Variants in MAP4K5 observed in about 807,000 individuals in gnomAD.
The protein encoded by MAP4K5 is mitogen-activated protein kinase kinase kinase kinase 5.
A neutral mutation model predicts 135.6 loss-of-function variants in MAP4K5; 82 were observed. That is an observed-to-expected ratio of 0.60 (90% CI 0.51 to 0.73). MAP4K5 has a LOEUF of 0.73. Among genes scored for constraint, MAP4K5 ranks in the 30% least tolerant of loss-of-function variants. MAP4K5 has a pLI of 0.00. For synonymous variants in MAP4K5, 347 were observed against 335.0 expected, an observed-to-expected ratio of 1.04 and a Z score of -0.39; for missense variants, 907 against 1,010.9, an observed-to-expected ratio of 0.90 and a Z score of 1.39.
chr14:50,539,089 A>G (rs1198221844), intron 2 of MAP4K5, among the ~76,000 whole-genome samples: 2 of 152,250 alleles, frequency 1.3e-5, no homozygotes, highest in East Asian at 3.9e-4. Flanking sequence ...CTCAGAAAAG[A>G]GACTCTCAAA....
intron 32 of MAP4K5, 77 bp downstream of exon 32, chr14:50,423,044 T>A: frequency 1.5e-6 from 1 of 648,460 alleles, no homozygotes; most frequent in Non-Finnish European, 2.7e-6. Flanking sequence ...TTTGAAACAA[T>A]TACAGACTGA....
At chr14:50,480,403 C>CTTTTTTTTTTTTTT (rs11412178) in intron 6 of MAP4K5, among the ~76,000 whole-genome samples, 1 of 143,396 alleles carries the variant, frequency 7.0e-6, no homozygotes. Flanking sequence ...CTCATTCTTT[C>CTTTTTTTTTTTTTT]TTTTTTTTTT....
chr14:50,440,118 TA>T, intron 22 of MAP4K5, 45 bp from the exon 23 acceptor site: 1 of 1,166,696 alleles, frequency 8.6e-7, no homozygotes, highest in East Asian at 2.5e-5. Flanking sequence ...GTCATTATTT[TA>T]ATCTTTTAAA....
intron 2 of MAP4K5, among the ~76,000 whole-genome samples, chr14:50,520,655 G>C (rs2038130252): frequency 6.6e-6 from 1 of 152,118 alleles, no homozygotes; most frequent in Non-Finnish European, 1.5e-5. Context: ...CAGCATTACA[G>C]AGCCTAGTTT....
At chr14:50,470,908 G>A (rs2036945888) in intron 9 of MAP4K5, among the ~76,000 whole-genome samples, 2 of 151,952 alleles carry the variant, frequency 1.3e-5, no homozygotes, top group Admixed American at 1.3e-4. Flanking sequence ...ACCAGATATG[G>A]AATTACTGAG....
chr14:50,489,685 C>T (rs1441599271), intron 3 of MAP4K5, among the ~76,000 whole-genome samples: 3 of 152,184 alleles, frequency 2.0e-5, no homozygotes, highest in Non-Finnish European at 4.4e-5. Context: ...TGACCTTGTA[C>T]TAGCCAAAGG....
intron 3 of MAP4K5, among the ~76,000 whole-genome samples, chr14:50,499,065 C>T (rs919337640): frequency 5.3e-5 from 8 of 151,910 alleles, no homozygotes; most frequent in African/African-American, 1.9e-4. Context: ...GTGAAAAATA[C>T]CATCTACTTT....
chr14:50,445,042 A>C lies in MAP4K5; in HGVS notation c.1338T>G (p.Ile446Met). 6.2e-7 allele frequency: 1 copy of C among 1,613,104 alleles called. No individual in the cohort carries two copies. The highest frequency in any genetic ancestry group is 8.5e-7 in the Non-Finnish European group (1 of 1,179,430). Residue 446 changes from isoleucine to methionine, a missense_variant and splice_region_variant, in exon 18 of 33, where the codon ATT (isoleucine) becomes ATG (methionine). This residue lies in a region of MAP4K5 where 690 missense variants were observed against 777.4 expected (regional missense o/e 0.89). Coordinates refer to ENST00000682126, the MANE Select transcript of MAP4K5 (RefSeq NM_006575.6). ...SCGPVAETSS[I>M]GNGDGISKLM... The stretch of plus-strand genomic sequence containing the variant: ...GGCTGCTAATAATGCTAGCCATACC[A>C]ATAGAAGAAGTCTCTGCCACAGGCC...
At chr14:50,547,032 G>GTTGTTCAACTCATAA (rs2038642230) in intron 1 of MAP4K5, among the ~76,000 whole-genome samples, 1 of 152,000 alleles carries the variant, frequency 6.6e-6, no homozygotes, top group East Asian at 1.9e-4. Flanking sequence ...ACTCATAAGT[G>GTTGTTCAACTCATAA]GGAGTTGAAC....
intron 1 of MAP4K5, among the ~76,000 whole-genome samples, chr14:50,548,417 T>C (rs1467447065): frequency 6.6e-6 from 1 of 152,198 alleles, no homozygotes; most frequent in African/African-American, 2.4e-5. Context: ...AGGATCCTTT[T>C]GTATTAGAAG....
At position 50,531,998 on chromosome 14, in the gene MAP4K5, G is replaced by C; in HGVS notation, c.52C>G (p.Gln18Glu). The change falls in exon 2 of 33, where the codon CAG becomes GAG. Residue 18 changes from glutamine to glutamate, a missense_variant. Coordinates refer to ENST00000682126, the MANE Select transcript of MAP4K5 (RefSeq NM_006575.6). The part of the protein sequence containing the change: ...AADILRRNPQ[Q>E]DYELVQRVGS... ...ACCCTCTGGACGAGTTCGTAGTCCT[G>C]CTGCGGGTTCCGCCTCAGGATGTCC... 1 of 1,601,252 alleles carries C rather than the reference G, an allele frequency of 6.2e-7. No individual in the cohort carries two copies. Among genetic ancestry groups the C allele is most frequent in the Non-Finnish European group, 8.5e-7 (1 of 1,174,046 alleles).
intron 1 of MAP4K5, among the ~76,000 whole-genome samples, chr14:50,546,475 G>A (rs2038633908): frequency 6.6e-6 from 1 of 152,072 alleles, no homozygotes; most frequent in South Asian, 2.1e-4. Flanking sequence ...TGGCTTATAA[G>A]TAAATGAGTA....
At chr14:50,554,231 G>A (rs889641577) in intron 1 of MAP4K5, among the ~76,000 whole-genome samples, 31 of 152,014 alleles carry the variant, frequency 2.0e-4, no homozygotes, top group African/African-American at 6.8e-4. Context: ...ACTCAAATTC[G>A]TTATATAACC....
intron 2 of MAP4K5, among the ~76,000 whole-genome samples, chr14:50,518,475 T>C (rs1048002502): frequency 1.3e-5 from 2 of 152,152 alleles, no homozygotes; most frequent in East Asian, 1.9e-4. Context: ...CTCCCACTTA[T>C]AAGCGAGAAC....
intron 31 of MAP4K5, 95 bp downstream of exon 31, chr14:50,425,812 A>G: frequency 1.2e-6 from 1 of 802,080 alleles, no homozygotes; most frequent in Non-Finnish European, 2.1e-6. Context: ...CACTAAACAC[A>G]GTAATGTAGG....
rs780468420 is a variant in MAP4K5 at position 50,437,990 on chromosome 14, T to C, written c.1727A>G (p.Tyr576Cys). ...AAACAAAGCTATAAGATTGTGAGAG[T>C]AGAGCTGAAAGGTTTTTCCTATAAA... ...SLSEGKTFQL[Y>C]SHNLIALFEH... The change falls in exon 25 of 33, where the codon TAC (tyrosine) becomes TGC (cysteine). Residue 576 changes from tyrosine (Y) to cysteine (C), a missense_variant. Physicochemically the swap from Tyr to Cys is radical, Grantham distance 194. Coordinates refer to ENST00000682126, the MANE Select transcript of MAP4K5 (RefSeq NM_006575.6). 4 of 1,604,036 alleles carry C rather than the reference T, an allele frequency of 2.5e-6. No individual in the cohort carries two copies. Among genetic ancestry groups the C allele is most frequent in the East Asian group, 2.2e-5 (1 of 44,780 alleles).
intron 26 of MAP4K5, among the ~76,000 whole-genome samples, chr14:50,436,149 G>C (rs558208547): frequency 8.5e-5 from 13 of 152,296 alleles, no homozygotes; most frequent in Admixed American, 7.9e-4. Flanking sequence ...AAGATCTGAA[G>C]TCATTGAACC....
At chr14:50,528,710 T>C (rs535709051) in intron 2 of MAP4K5, among the ~76,000 whole-genome samples, 71 of 152,154 alleles carry the variant, frequency 4.7e-4, no homozygotes, top group African/African-American at 1.5e-3. Context: ...CACAAGACCA[T>C]CTCTCAAAAA....
chr14:50,545,371 T>C (rs996356290), intron 1 of MAP4K5, among the ~76,000 whole-genome samples: 7 of 152,126 alleles, frequency 4.6e-5, no homozygotes, highest in South Asian at 2.1e-4. Flanking sequence ...CTTATAACAA[T>C]TGGCATCACA....
Sources: allele counts gnomAD v4.1 joint callset (sites outside exome capture counted in the v4.1 genomes callset), GRCh38; gene constraint gnomAD v4.1.1; regional missense constraint gnomAD v4.1.1; transcripts MANE v1.5; gene names NCBI Gene and HGNC (gene_info 2026-07-23, HGNC 2026-07-21).